Variants in KIF11 observed in about 807,000 individuals in gnomAD.
KIF11 encodes kinesin-like protein KIF11.
KIF11 carries 9 observed loss-of-function variants against 121.0 expected under a neutral mutation model. That is an observed-to-expected ratio of 0.07 (90% CI 0.04 to 0.13). KIF11 has a LOEUF of 0.13. Among genes scored for constraint, KIF11 ranks in the 10% least tolerant of loss-of-function variants. The pLI, the probability that KIF11 is intolerant of heterozygous loss-of-function variation, is 1.00. For missense variants in KIF11, 846 were observed against 1,217.5 expected, an observed-to-expected ratio of 0.69 and a Z score of 4.54; for synonymous variants, 408 against 421.0, an observed-to-expected ratio of 0.97 and a Z score of 0.38.
chr10:92,611,540 C>CATTT (rs1366038441), intron 6 of KIF11, among the ~76,000 whole-genome samples: 1 of 152,060 alleles, frequency 6.6e-6, no homozygotes, highest in Non-Finnish European at 1.5e-5. Context: ...CTATAGTTTA[C>CATTT]ATTTATGTTT....
chr10:92,605,054 G>T (rs1443681768), intron 1 of KIF11, among the ~76,000 whole-genome samples: 1 of 152,066 alleles, frequency 6.6e-6, no homozygotes, highest in Non-Finnish European at 1.5e-5. Context: ...TAGAAAAGGT[G>T]TATAAAGGGT....
chr10:92,637,569 G>C (rs1292231559), intron 16 of KIF11, 24 bp downstream of exon 16: 1 of 1,587,716 alleles, frequency 6.3e-7, no homozygotes, highest in Non-Finnish European at 8.5e-7. Flanking sequence ...CGGACTTGGG[G>C]AGTACAGAAA....
intron 9 of KIF11, 121 bp from the exon 10 acceptor site, chr10:92,621,264 A>G: frequency 7.7e-6 from 4 of 521,322 alleles, no homozygotes; most frequent in Non-Finnish European, 3.4e-6. Flanking sequence ...ACTTTTTATC[A>G]TACTTCTTTA....
At chr10:92,647,248 C>A (rs1844929705) in intron 18 of KIF11, among the ~76,000 whole-genome samples, 1 of 151,702 alleles carries the variant, frequency 6.6e-6, no homozygotes, top group African/African-American at 2.4e-5. Flanking sequence ...GACCTCATGT[C>A]TTCAGCAACA....
chr10:92,594,540 A>T (rs1488315375), intron 1 of KIF11, among the ~76,000 whole-genome samples: 1 of 152,216 alleles, frequency 6.6e-6, no homozygotes, highest in Non-Finnish European at 1.5e-5. Context: ...TGTTTAATAA[A>T]ACCAGGCAAT....
chr10:92,602,850 GT>G (rs1844387800), intron 1 of KIF11, among the ~76,000 whole-genome samples: 1 of 145,172 alleles, frequency 6.9e-6, no homozygotes, highest in Non-Finnish European at 1.5e-5. Flanking sequence ...GTGTGTGTGT[GT>G]GTGTGGTTTT....
chr10:92,601,756 G>A (rs1158639833), intron 1 of KIF11, among the ~76,000 whole-genome samples: 2 of 149,290 alleles, frequency 1.3e-5, no homozygotes, highest in African/African-American at 4.9e-5. Context: ...TTCCCATGCT[G>A]ATCCTGAACT....
At chr10:92,621,698 C>T (rs1026633373) in intron 10 of KIF11, among the ~76,000 whole-genome samples, 1 of 151,950 alleles carries the variant, frequency 6.6e-6, no homozygotes, top group African/African-American at 2.4e-5. Flanking sequence ...GTCTCCTGGG[C>T]TCAAGCGATC....
intron 1 of KIF11, 37 bp from the exon 2 acceptor site, chr10:92,606,228 A>G: frequency 6.5e-7 from 1 of 1,534,818 alleles, no homozygotes; most frequent in Non-Finnish European, 8.7e-7. Flanking sequence ...CTGAGAACTA[A>G]GAGCTCTTGA....
intron 6 of KIF11, among the ~76,000 whole-genome samples, chr10:92,612,062 A>C (rs1165709976): frequency 6.8e-6 from 1 of 147,492 alleles, no homozygotes; most frequent in African/African-American, 2.7e-5. Context: ...TCATCTGTAT[A>C]ATTTTTTTTC....
intron 6 of KIF11, 129 bp downstream of exon 6, chr10:92,609,638 G>A: frequency 1.3e-6 from 1 of 757,830 alleles, no homozygotes; most frequent in Admixed American, 2.7e-5. Context: ...ATAAGGAGGG[G>A]TCATTGGTAA....
At chr10:92,594,490 C>A (rs914270757) in intron 1 of KIF11, among the ~76,000 whole-genome samples, 1 of 152,104 alleles carries the variant, frequency 6.6e-6, no homozygotes, top group Non-Finnish European at 1.5e-5. Context: ...TTTAAAAATG[C>A]AGTGCATATA....
intron 5 of KIF11, 61 bp downstream of exon 5, chr10:92,609,266 CAG>C (rs3835295): frequency 0.014 from 10,435 of 740,922 alleles, 7 homozygotes; most frequent in African/African-American, 0.016. Flanking sequence ...TTTGAGAAGT[CAG>C]AGAGAGAGAG....
chr10:92,616,822 C>T lies in KIF11; in HGVS notation c.1118C>T (p.Ala373Val). ...GTGAATCAGAAACTCACCAAAAAAG[C>T]TCTTATTAAGGTAACTGTGAATTTT... ...PEVNQKLTKK[A>V]LIKEYTEEIE... is the part of the protein sequence containing the mutation. The change falls in exon 9 of 22, where the codon GCT becomes GTT. Residue 373 changes from alanine to valine, a missense_variant. By Grantham distance (64) the Ala-to-Val change is moderately conservative. Transcript: ENST00000260731. 6.3e-7 allele frequency: 1 copy of T among 1,579,780 alleles called. No homozygotes were observed. The highest frequency in any genetic ancestry group is 1.1e-5 in the South Asian group (1 of 88,118).
chr10:92,650,087 C>A, intron 20 of KIF11, 101 bp downstream of exon 20: 1 of 853,092 alleles, frequency 1.2e-6, no homozygotes, highest in Non-Finnish European at 1.8e-6. Flanking sequence ...TCAATCTTAC[C>A]CCGCCTCTCA....
In KIF11 at chr10:92,645,351, C is replaced by G. The variant is rs563969992; in HGVS notation, c.2268-12C>G. 1.9e-6 allele frequency: 3 copies of G among 1,584,538 alleles called. No homozygotes were observed. In the Admixed American group the frequency reaches 5.2e-5, roughly 28 times the overall value. On this transcript the variant is annotated splice_polypyrimidine_tract_variant and intron_variant, in intron 17 of 21. Coordinates refer to ENST00000260731, the MANE Select transcript of KIF11 (RefSeq NM_004523.4). ...TTCCCCATTTCAACAGTGTCATTCT[C>G]TTTTCCTATAGGAAATCTAAGGATA...
At chr10:92,633,129 T>C (rs1460571885) in intron 13 of KIF11, among the ~76,000 whole-genome samples, 3 of 152,168 alleles carry the variant, frequency 2.0e-5, no homozygotes, top group African/African-American at 7.2e-5. Flanking sequence ...TTGTGTCTCA[T>C]TGTTTTTAAC....
At chr10:92,630,758 C>T (rs1439099176) in intron 12 of KIF11, among the ~76,000 whole-genome samples, 1 of 147,468 alleles carries the variant, frequency 6.8e-6, no homozygotes, top group African/African-American at 2.5e-5. Context: ...CCCAGCTACT[C>T]GGGAAGGCTG....
At chr10:92,635,498 T>C (rs969356033) in intron 14 of KIF11, among the ~76,000 whole-genome samples, 3 of 152,094 alleles carry the variant, frequency 2.0e-5, no homozygotes, top group Non-Finnish European at 4.4e-5. Flanking sequence ...ACACGCCTGG[T>C]GGGACAATCA....
Sources: allele counts gnomAD v4.1 joint callset (sites outside exome capture counted in the v4.1 genomes callset), GRCh38; gene constraint gnomAD v4.1.1; transcripts MANE v1.5; gene names NCBI Gene and HGNC (gene_info 2026-07-23, HGNC 2026-07-21).